The following ZNF319 variants were observed in gnomAD, a reference collection of about 807,000 sequenced individuals.
ZNF319 encodes zinc finger protein 319.
Under a neutral mutation model 46.0 loss-of-function variants are expected in ZNF319, and 15 were observed. The observed-to-expected ratio is 0.33, with a 90% CI of 0.22 to 0.50. The LOEUF (loss-of-function observed/expected upper bound fraction) is 0.50, where lower values mean the gene tolerates loss of function less well. Ranked by LOEUF, ZNF319 falls within the 20% of genes least tolerant of loss-of-function variation. The pLI is 0.98. For synonymous variants in ZNF319, 368 were observed against 364.0 expected, an observed-to-expected ratio of 1.01 and a Z score of -0.13; for missense variants, 635 against 807.0, an observed-to-expected ratio of 0.79 and a Z score of 2.58.
In ZNF319 at chr16:58,000,613, G is replaced by A. The variant is rs1963153830; in HGVS notation, c.-1378C>T. Among the ~76,000 whole-genome samples the A allele has an allele frequency of 6.7e-6, 1 of 149,760 alleles. No homozygotes were observed. Among genetic ancestry groups the A allele is most frequent in the African/African-American group, 2.4e-5 (1 of 41,136 alleles). On this transcript the variant is annotated 5_prime_UTR_variant, in exon 1 of 2. Transcript: ENST00000299237. This position sits in a 1 kb window ranked among gnomAD's most constrained non-coding sequence, Gnocchi z 4.5. ...CGACGCGCGCTGCCGGAGTAGCGGG[G>A]CCGGGGCGAGGAGCGCCGGGAGGGC...
At position 58,000,638 on chromosome 16, in the gene ZNF319, C is replaced by G. The variant is rs909192132; in HGVS notation, c.-1403G>C. Among the ~76,000 whole-genome samples the G allele has an allele frequency of 6.9e-6, 1 of 145,586 alleles. No homozygotes were observed. The highest frequency in any genetic ancestry group is 1.5e-5 in the Non-Finnish European group (1 of 66,054). On this transcript the variant is annotated 5_prime_UTR_variant, in exon 1 of 2. Transcript: ENST00000299237. The surrounding 1 kb of genome is among the most constrained non-coding windows in gnomAD (Gnocchi z 4.5). ...GCCGGGGCGAGGAGCGCCGGGAGGG[C>G]GGGCGGACGGACCGATGGCCTTGCG...
rs1597035388 is a variant in ZNF319, at chr16:57,997,423, C to G, written c.843G>C (p.Ser281=). The G allele has an allele frequency of 6.2e-7, 1 of 1,612,626 alleles. No homozygotes were observed. Among genetic ancestry groups the G allele is most frequent in the African/African-American group, 1.3e-5 (1 of 74,848 alleles). ...TGCAGCGGAACAGGTGGTGCTCGCC[C>G]GAGTGCGCGTACATGTGGCGCACCA... ...SHLVRHMYAH[S]GEHHLFRCNV... The change falls in exon 2 of 2, where the codon TCG becomes TCC. Residue 281 remains serine, a synonymous_variant. Coordinates refer to ENST00000299237, the MANE Select transcript of ZNF319 (RefSeq NM_020807.3).
rs149096643 is a variant in ZNF319 at position 57,998,070 on chromosome 16, C to T, written c.196G>A (p.Ala66Thr). The part of the protein sequence containing the change: ...PDPGLQPPQH[A>T]PLQAAGEPGP... ...GGCTCTCCTGCTGCCTGCAGGGGTGCGTGTTGTGGGGGCTGCAGGCCGGGG... is the reference window on the plus strand; with the variant it reads ...GGCTCTCCTGCTGCCTGCAGGGGTGTGTGTTGTGGGGGCTGCAGGCCGGGG... Residue 66 changes from alanine to threonine, a missense_variant, in exon 2 of 2, where the codon GCA becomes ACA. Transcript: ENST00000299237. The T allele has an allele frequency of 8.2e-5, 132 of 1,609,266 alleles. No homozygotes were observed. The highest frequency in any genetic ancestry group is 5.0e-5 in the Admixed American group (3 of 59,986).
At position 57,997,386 on chromosome 16, in the gene ZNF319, A is replaced by T; in HGVS notation, c.880T>A (p.Leu294Met). Reference protein sequence around the residue: ...HHLFRCNVCELHFKESSELLQ... With the variant: ...HHLFRCNVCEMHFKESSELLQ... ...AGCTCCGACGACTCCTTGAAATGCA[A>T]CTCGCACACGTTGCAGCGGAACAGG... is the stretch of plus-strand genomic sequence containing the variant. The change falls in exon 2 of 2, where the codon TTG (leucine) becomes ATG (methionine). Residue 294 changes from leucine (L) to methionine (M), a missense_variant. This residue lies in a region of ZNF319 where 138 missense variants were observed against 248.0 expected (regional missense o/e 0.56). Transcript: ENST00000299237. 1 of 1,611,792 alleles carries T rather than the reference A, an allele frequency of 6.2e-7. No homozygotes were observed. Among genetic ancestry groups the T allele is most frequent in the Non-Finnish European group, 8.5e-7 (1 of 1,179,214 alleles).
chr16:57,996,925 C>T lies in ZNF319; in HGVS notation c.1341G>A (p.Gln447=). 6.2e-7 allele frequency: 1 copy of T among 1,601,416 alleles called. No individual in the cohort carries two copies. Among genetic ancestry groups the T allele is most frequent in the Non-Finnish European group, 8.5e-7 (1 of 1,178,692 alleles). ...YKRASALQKH[Q]LAHCAAAEKP... ...TCTCTGCCGCCGCACAGTGGGCCAG[C>T]TGGTGCTTCTGCAGGGCCGACGCGC... Residue 447 remains glutamine (Q), a synonymous_variant, in exon 2 of 2, where the codon CAG becomes CAA. Coordinates refer to ENST00000299237, the MANE Select transcript of ZNF319 (RefSeq NM_020807.3).
At position 57,996,445 on chromosome 16, in the gene ZNF319, C is replaced by G. The variant is rs1963014166; in HGVS notation, c.*72G>C. The G allele has an allele frequency of 4.1e-6, 6 of 1,447,370 alleles. No homozygotes were observed. Among genetic ancestry groups the G allele is most frequent in the Non-Finnish European group, 5.4e-6 (6 of 1,106,130 alleles). The allele number at this position is 1,447,370 out of a possible 1,614,324, so 89.7% of individuals were successfully genotyped here. On this transcript the variant is annotated 3_prime_UTR_variant, in exon 2 of 2. Coordinates refer to ENST00000299237, the MANE Select transcript of ZNF319 (RefSeq NM_020807.3). ...CTTGGTGCAAGGCAGCTGTGAGGAG[C>G]TAGGCTGCGCGAGGCCTGCTGGGCC...
rs761782365 is a variant in ZNF319 at position 57,996,564 on chromosome 16, C to T, written c.1702G>A (p.Ala568Thr). The T allele has an allele frequency of 1.7e-5, 26 of 1,574,608 alleles. 1 individual carries two copies. The South Asian group carries it at 2.7e-4, about 17-fold the overall frequency. ...QEHSAQHSAA[A>T]AAAEGAYQVA... ...TGGTAGGCGCCCTCCGCTGCCGCGG[C>T]GGCGGCACTGTGCTGCGCGCTGTGC... is the stretch of plus-strand genomic sequence containing the variant. The change falls in exon 2 of 2, where the codon GCC (alanine) becomes ACC (threonine). Residue 568 changes from alanine to threonine, a missense_variant. Physicochemically the swap from Ala to Thr is moderately conservative, Grantham distance 58. Transcript: ENST00000299237.
Position 57,997,839 on chromosome 16 carries a change from G to A in ZNF319, c.427C>T (p.Leu143=), listed in dbSNP as rs1031206061. 6.2e-7 allele frequency: 1 copy of A among 1,612,736 alleles called. No homozygotes were observed. Among genetic ancestry groups the A allele is most frequent in the Non-Finnish European group, 8.5e-7 (1 of 1,180,044 alleles). Residue 143 remains leucine (L), a synonymous_variant, in exon 2 of 2, where the codon CTA becomes TTA. Coordinates refer to ENST00000299237, the MANE Select transcript of ZNF319 (RefSeq NM_020807.3). ...VCGVCKMGFS[L]LTSLAQHHSS... ...TGGTGCTGTGCCAGTGAGGTGAGTA[G>A]TGAGAAGCCCATCTTGCAGACCCCA...
rs1381342790 is a variant in ZNF319, at chr16:57,996,510, C to T, written c.*7G>A. 8 of 1,515,882 alleles carry T rather than the reference C, an allele frequency of 5.3e-6. No individual in the cohort carries two copies. The highest frequency in any genetic ancestry group is 2.8e-5 in the African/African-American group (2 of 72,506). The allele number at this position is 1,515,882 out of a possible 1,614,324, so 93.9% of individuals were successfully genotyped here. A position where few individuals can be genotyped will look rare whatever the true frequency, so the allele number is the denominator to read the frequency against. On this transcript the variant is annotated 3_prime_UTR_variant, in exon 2 of 2. Coordinates refer to ENST00000299237, the MANE Select transcript of ZNF319 (RefSeq NM_020807.3). ...AGGTCAGGCTGGTAGGGGCCACAGC[C>T]GCAGAGTCAGGGCAGGCAGGCGGCT...
At position 57,997,743 on chromosome 16, in the gene ZNF319, G is replaced by A; in HGVS notation, c.523C>T (p.Pro175Ser). The A allele has an allele frequency of 6.2e-7, 1 of 1,613,450 alleles. No individual in the cohort carries two copies. Among genetic ancestry groups the A allele is most frequent in the Non-Finnish European group, 8.5e-7 (1 of 1,180,038 alleles). Reference sequence around the variant, plus strand: ...AGCGACGGGGCGGCTGTGGTGGCTGGCTCCGCTGCCTCAGCTGGCTTGTAG... The same window carrying A: ...AGCGACGGGGCGGCTGTGGTGGCTGACTCCGCTGCCTCAGCTGGCTTGTAG... ...KTYKPAEAAEPATTAAPSLPA... is the reference protein window; with the variant it reads ...KTYKPAEAAESATTAAPSLPA... Residue 175 changes from proline (P) to serine (S), a missense_variant, in exon 2 of 2, where the codon CCA becomes TCA. Pro to Ser is a moderately conservative substitution (Grantham distance 74). Around this residue, in one of 3 missense-constraint regions of ZNF319, gnomAD observed 227 missense variants for 277.5 expected, o/e 0.82. Transcript: ENST00000299237.
chr16:57,996,735 C>T lies in ZNF319; in HGVS notation c.1531G>A (p.Glu511Lys), dbSNP rs1209877590. ...LQRHRRVHTG[E>K]KPYKCPNCDK... ...CAGTTGGGGCACTTGTAGGGCTTCT[C>T]GCCTGTGTGTACCCGCCGGTGCCGC... The change falls in exon 2 of 2, where the codon GAG (glutamate) becomes AAG (lysine). Residue 511 changes from glutamate to lysine, a missense_variant. Physicochemically the swap from Glu to Lys is moderately conservative, Grantham distance 56. Coordinates refer to ENST00000299237, the MANE Select transcript of ZNF319 (RefSeq NM_020807.3). 1.2e-6 allele frequency: 2 copies of T among 1,602,764 alleles called. No individual in the cohort carries two copies. The highest frequency in any genetic ancestry group is 1.7e-6 in the Non-Finnish European group (2 of 1,174,446).
In ZNF319 at chr16:57,997,141, T is replaced by C. The variant is rs747569633; in HGVS notation, c.1125A>G (p.Leu375=). ...TGGGCTGCCCAAAGCCCTTCTCACATAGGCCGCATTTGAAGGGCTCCTCGG... is the reference window on the plus strand; with the variant it reads ...TGGGCTGCCCAAAGCCCTTCTCACACAGGCCGCATTTGAAGGGCTCCTCGG... ...HKTEEPFKCG[L]CEKGFGQPSH... is the part of the protein sequence containing the mutation. The change falls in exon 2 of 2, where the codon CTA becomes CTG. Residue 375 remains leucine, a synonymous_variant. Coordinates refer to ENST00000299237, the MANE Select transcript of ZNF319 (RefSeq NM_020807.3). 19 of 1,613,816 alleles carry C rather than the reference T, an allele frequency of 1.2e-5. No individual in the cohort carries two copies. The South Asian group carries it at 1.3e-4, about 11-fold the overall frequency.
chr16:57,996,699 A>G lies in ZNF319; in HGVS notation c.1567T>C (p.Phe523Leu). 1 of 1,613,270 alleles carries G rather than the reference A, an allele frequency of 6.2e-7. No individual in the cohort carries two copies. The highest frequency in any genetic ancestry group is 8.5e-7 in the Non-Finnish European group (1 of 1,179,882). The change falls in exon 2 of 2, where the codon TTC (phenylalanine) becomes CTC (leucine). Residue 523 changes from phenylalanine to leucine, a missense_variant. Around this residue, in one of 3 missense-constraint regions of ZNF319, gnomAD observed 270 missense variants for 281.4 expected, o/e 0.96. Transcript: ENST00000299237. ...PYKCPNCDKA[F>L]KQREHLNKHQ... ...TTGTTGAGATGCTCCCGCTGCTTGAAGGCCTTGTCGCAGTTGGGGCACTTG... is the reference window on the plus strand; with the variant it reads ...TTGTTGAGATGCTCCCGCTGCTTGAGGGCCTTGTCGCAGTTGGGGCACTTG...
rs148995600 is a variant in ZNF319, at chr16:57,995,439, G to A, written c.*1078C>T. 999 of 152,778 alleles carry A rather than the reference G, an allele frequency of 6.5e-3. 3 individuals are homozygous for A. Among genetic ancestry groups the A allele is most frequent in the Middle Eastern group, 0.017 (5 of 294 alleles). The allele number at this position is 152,778 out of a possible 1,614,324, so 9.5% of individuals were successfully genotyped here. ...ATCTTGGCTGTACCAGACCCCTGGG[G>A]TCCAGGCCAGCAGCCACATTGATGT... is the stretch of plus-strand genomic sequence containing the variant. On this transcript the variant is annotated 3_prime_UTR_variant, in exon 2 of 2. Transcript: ENST00000299237.
rs1963113503 is a variant in ZNF319 at position 57,999,694 on chromosome 16, G to A, written c.-459C>T. On this transcript the variant is annotated 5_prime_UTR_variant, in exon 1 of 2. Transcript: ENST00000299237. ...CTCTGCCAAAGAAATGTAAGAGTCA[G>A]GCTAAAAGCTGTCATCCTCAGCATC... The A allele has an allele frequency of 6.6e-6, 1 of 152,334 alleles. No individual in the cohort carries two copies. The highest frequency in any genetic ancestry group is 1.5e-5 in the Non-Finnish European group (1 of 68,118). The allele number at this position is 152,334 out of a possible 1,614,324, so 9.4% of individuals were successfully genotyped here.
At position 57,998,012 on chromosome 16, in the gene ZNF319, A is replaced by G. The variant is rs1403637545; in HGVS notation, c.254T>C (p.Leu85Pro). Residue 85 changes from leucine (L) to proline (P), a missense_variant, in exon 2 of 2, where the codon CTG (leucine) becomes CCG (proline). Physicochemically the swap from Leu to Pro is moderately conservative, Grantham distance 98. Transcript: ENST00000299237. ...CTCATGCGGACTGGACAGGTGCGCC[A>G]GGTCGTGACCACACACGCCACATTT... ...GPKCGVCGHDLAHLSSPHEHQ... is the reference protein window; with the variant it reads ...GPKCGVCGHDPAHLSSPHEHQ... 1 of 1,612,552 alleles carries G rather than the reference A, an allele frequency of 6.2e-7. No homozygotes were observed. The highest frequency in any genetic ancestry group is 1.1e-5 in the South Asian group (1 of 91,090).
At position 58,000,236 on chromosome 16, in the gene ZNF319, C is replaced by A. The variant is rs1040374008; in HGVS notation, c.-1001G>T. 6.6e-6 allele frequency among the ~76,000 whole-genome samples: 1 copy of A among 152,060 alleles called. No homozygotes were observed. Among genetic ancestry groups the A allele is most frequent in the African/African-American group, 2.4e-5 (1 of 41,430 alleles). On this transcript the variant is annotated 5_prime_UTR_variant, in exon 1 of 2. Transcript: ENST00000299237. This position sits in a 1 kb window ranked among gnomAD's most constrained non-coding sequence, Gnocchi z 4.5. ...AGGCCCCAGGGCTACAGGCCGGGCCCAGGAAGCGGCTGCGCCTCGAGGCCC... is the reference window on the plus strand; with the variant it reads ...AGGCCCCAGGGCTACAGGCCGGGCCAAGGAAGCGGCTGCGCCTCGAGGCCC...
rs1963034474 is a variant in ZNF319 at position 57,997,075 on chromosome 16, A to G, written c.1191T>C (p.Thr397=). 7 of 1,613,156 alleles carry G rather than the reference A, an allele frequency of 4.3e-6. No homozygotes were observed. Among genetic ancestry groups the G allele is most frequent in the Non-Finnish European group, 5.1e-6 (6 of 1,179,866 alleles). ...LYHQHVHTLE[T]LFKCPVCQKG... ...TCTGGCACACGGGGCACTTGAAGAGAGTCTCGAGGGTGTGCACGTGCTGGT... is the reference window on the plus strand; with the variant it reads ...TCTGGCACACGGGGCACTTGAAGAGGGTCTCGAGGGTGTGCACGTGCTGGT... The change falls in exon 2 of 2, where the codon ACT becomes ACC. Residue 397 remains threonine (T), a synonymous_variant. Transcript: ENST00000299237.
At chr16:57,999,322 G>A (rs1963102057) in intron 1 of ZNF319, among the ~76,000 whole-genome samples, 171 bp downstream of exon 1, 1 of 151,906 alleles carries the variant, frequency 6.6e-6, no homozygotes, top group Non-Finnish European at 1.5e-5. Context: ...GCAGGAAAAT[G>A]TAAGAAACTG....
Sources: allele counts gnomAD v4.1 joint callset (sites outside exome capture counted in the v4.1 genomes callset), GRCh38; gene constraint gnomAD v4.1.1; regional missense constraint gnomAD v4.1.1; non-coding constraint Gnocchi (gnomAD v3.1); transcripts MANE v1.5; gene names NCBI Gene and HGNC (gene_info 2026-07-23, HGNC 2026-07-21).